Variants in PRKCG observed in about 807,000 individuals in gnomAD.
PRKCG encodes protein kinase C gamma type.
PRKCG carries 28 observed loss-of-function variants against 82.0 expected under a neutral mutation model. That is an observed-to-expected ratio of 0.34 (90% confidence interval 0.25 to 0.47). PRKCG has a LOEUF of 0.47. Among genes scored for constraint, PRKCG ranks in the 20% least tolerant of loss-of-function variants. The pLI, the probability that PRKCG is intolerant of heterozygous loss-of-function variation, is 1.00. For missense variants in PRKCG, 640 were observed against 952.7 expected (o/e 0.67, Z 4.32); for synonymous variants, 383 against 376.6 (o/e 1.02, Z -0.20).
At chr19:53,897,831 G>A (rs1177575929) in intron 9 of PRKCG, 128 bp from the exon 10 acceptor site, 2 of 1,268,670 alleles carry the variant, frequency 1.6e-6, no homozygotes, top group Admixed American at 1.7e-5. Context: ...AGGGTAGGAG[G>A]GTGGCCATTT....
chr19:53,901,281 C>T (rs1157455041), intron 14 of PRKCG, among the ~76,000 whole-genome samples: 1 of 152,194 alleles, frequency 6.6e-6, no homozygotes, highest in African/African-American at 2.4e-5. Context: ...CGGTGGCTCA[C>T]ACCTGTAATC....
intron 9 of PRKCG, among the ~76,000 whole-genome samples, chr19:53,893,945 T>C (rs1307992211): frequency 6.6e-6 from 1 of 150,866 alleles, no homozygotes; most frequent in African/African-American, 2.4e-5. Context: ...TTAGTAGAGA[T>C]GGGATTTCGC....
intron 14 of PRKCG, among the ~76,000 whole-genome samples, chr19:53,901,431 C>G (rs1485479253): frequency 6.6e-6 from 1 of 151,368 alleles, no homozygotes; most frequent in Non-Finnish European, 1.5e-5. Flanking sequence ...GTAATCCCAG[C>G]TATTCGGGAG....
In PRKCG at chr19:53,906,981, T is replaced by A; in HGVS notation, c.*86T>A. 1 of 1,488,466 alleles carries A rather than the reference T, an allele frequency of 6.7e-7. No individual in the cohort carries two copies. The highest frequency in any genetic ancestry group is 8.9e-7 in the Non-Finnish European group (1 of 1,127,116). The allele number at this position is 1,488,466 out of a possible 1,614,324, so 92.2% of individuals were successfully genotyped here. On this transcript the variant is annotated 3_prime_UTR_variant, in exon 18 of 18. Transcript: ENST00000263431. ...CTTCACCCCCAACTTCACCACCCCC[T>A]GTCCCATTCTAGATCCTGCACCCCA...
At position 53,898,470 on chromosome 19, in the gene PRKCG, G is replaced by GAGCT; in HGVS notation, c.1124_1127dup (p.Tyr377AlafsTer78). ...GCTGGCCGAGCGCAGGGGCTCTGAT[G>GAGCT]AGCTCTACGCCATCAAGATCTTGAA... is the stretch of plus-strand genomic sequence containing the variant. On this transcript the variant is annotated frameshift_variant, in exon 11 of 18. Coordinates refer to ENST00000263431, the MANE Select transcript of PRKCG (RefSeq NM_002739.5). LOFTEE classifies it high-confidence loss of function. The GAGCT allele has an allele frequency of 6.2e-7, 1 of 1,613,976 alleles. No homozygotes were observed. Among genetic ancestry groups the GAGCT allele is most frequent in the Non-Finnish European group, 8.5e-7 (1 of 1,180,022 alleles).
chr19:53,892,768 ACACACACACACACG>A lies in PRKCG; in HGVS notation c.821+135_821+148del, dbSNP rs1259903335. On this transcript the variant is annotated intron_variant, in intron 7 of 17. Transcript: ENST00000263431. This position sits in a 1 kb window ranked among gnomAD's most constrained non-coding sequence, Gnocchi z 5.9. ...CCAGCATGCGCACACACACACACAC[ACACACACACACACG>A]CACACACACGCACACACCCCTCTCT... 14 of 1,215,714 alleles carry A rather than the reference ACACACACACACACG, an allele frequency of 1.2e-5. No homozygotes were observed. Among genetic ancestry groups the A allele is most frequent in the African/African-American group, 3.1e-5 (2 of 63,744 alleles). 75.3% of individuals were successfully genotyped at this position (1,215,714 alleles called of 1,614,324 possible).
chr19:53,882,783 G>T lies in PRKCG; in HGVS notation c.170+119G>T. On this transcript the variant is annotated intron_variant, in intron 1 of 17. Transcript: ENST00000263431. The surrounding 1 kb of genome is among the most constrained non-coding windows in gnomAD (Gnocchi z 6.1). ...TGTAGTCCCGACTCCCAGGTTCTAG[G>T]ATGGCCAGGGAACGCTGGGAGCTTC... The T allele has an allele frequency of 7.3e-7, 1 of 1,372,300 alleles. No individual in the cohort carries two copies. The highest frequency in any genetic ancestry group is 2.6e-4 in the Middle Eastern group (1 of 3,786). The allele number at this position is 1,372,300 out of a possible 1,614,324, so 85.0% of individuals were successfully genotyped here.
At position 53,903,344 on chromosome 19, in the gene PRKCG, A is replaced by T. The variant is rs73937611; in HGVS notation, c.1656+191A>T. On this transcript the variant is annotated intron_variant, in intron 15 of 17. Coordinates refer to ENST00000263431, the MANE Select transcript of PRKCG (RefSeq NM_002739.5). ...TGTTTTGTTTGTTCTGTTACCATGGATTCTTTCTCCCTAGATGGTAAAGTA... is the reference window on the plus strand; with the variant it reads ...TGTTTTGTTTGTTCTGTTACCATGGTTTCTTTCTCCCTAGATGGTAAAGTA... 0.02 allele frequency among the ~76,000 whole-genome samples: 2,978 copies of T among 152,230 alleles called. 96 individuals carry two copies. The highest frequency in any genetic ancestry group is 0.068 in the African/African-American group (2,820 of 41,502).
chr19:53,887,860 A>G (rs896915178), intron 3 of PRKCG, among the ~76,000 whole-genome samples: 51 of 150,056 alleles, frequency 3.4e-4, no homozygotes, highest in African/African-American at 1.2e-3. Context: ...AGTAACATGG[A>G]TCAAGATTTG....
intron 9 of PRKCG, among the ~76,000 whole-genome samples, chr19:53,895,782 G>C (rs188312023): frequency 6.6e-6 from 1 of 152,156 alleles, no homozygotes; most frequent in African/African-American, 2.4e-5. Context: ...CTCTGCGGCC[G>C]GGCGCAGTGG....
intron 5 of PRKCG, among the ~76,000 whole-genome samples, chr19:53,891,437 C>T (rs2068675143): frequency 1.4e-5 from 2 of 143,694 alleles, no homozygotes; most frequent in Non-Finnish European, 3.0e-5. Context: ...CCACCACGCC[C>T]AGCTAATTTT....
At position 53,906,415 on chromosome 19, in the gene PRKCG, G is replaced by T; in HGVS notation, c.1863G>T (p.Arg621=). The T allele has an allele frequency of 1.3e-6, 2 of 1,572,862 alleles. No individual in the cohort carries two copies. The highest frequency in any genetic ancestry group is 1.4e-5 in the African/African-American group (1 of 73,946). The change falls in exon 17 of 18, where the codon CGG becomes CGT. Residue 621 remains arginine, a synonymous_variant. Coordinates refer to ENST00000263431, the MANE Select transcript of PRKCG (RefSeq NM_002739.5). ...TTTTCCGCTGGATTGACTGGGAGCG[G>T]CTGGAACGATTGGAGATCCCGCCTC... ...HGFFRWIDWE[R]LERLEIPPPF...
At chr19:53,891,867 CAG>C in intron 6 of PRKCG, 37 bp downstream of exon 6, 4 of 1,613,174 alleles carry the variant, frequency 2.5e-6, no homozygotes, top group Admixed American at 1.7e-5. Context: ...TGACAGCTGA[CAG>C]AGAATGATCT....
In PRKCG at chr19:53,900,265, C is replaced by T. The variant is rs141380971; in HGVS notation, c.1314C>T (p.Thr438=). ...DRLYFVMEYV[T]GGDLMYHIQQ... The stretch of plus-strand genomic sequence containing the variant: ...TGTATTTCGTGATGGAGTACGTCAC[C>T]GGGGGAGACTTGATGTACCACATTC... Residue 438 remains threonine (T), a synonymous_variant, in exon 12 of 18, where the codon ACC becomes ACT. Coordinates refer to ENST00000263431, the MANE Select transcript of PRKCG (RefSeq NM_002739.5). The surrounding 1 kb of genome is among the most constrained non-coding windows in gnomAD (Gnocchi z 4.2). 1.3e-5 allele frequency: 21 copies of T among 1,613,960 alleles called. No individual in the cohort carries two copies. The highest frequency in any genetic ancestry group is 1.7e-5 in the Non-Finnish European group (20 of 1,180,038).
intron 5 of PRKCG, among the ~76,000 whole-genome samples, chr19:53,891,085 G>A (rs956868896): frequency 6.6e-6 from 1 of 151,938 alleles, no homozygotes. Context: ...TGAGAAGGGA[G>A]AGTACCTGGT....
At chr19:53,882,181 C>G (rs1355585350), upstream of PRKCG, 3 of 391,402 alleles carry the variant, frequency 7.7e-6, 1 homozygote, top group Admixed American at 1.4e-4. The surrounding 1 kb of genome is among the most constrained non-coding windows in gnomAD (Gnocchi z 6.1). Context: ...AACGCCTCCC[C>G]CAACCCGGGG....
Position 53,889,780 on chromosome 19 carries a change from C to T in PRKCG, c.397+31C>T. On this transcript the variant is annotated intron_variant, in intron 4 of 17. Transcript: ENST00000263431. The surrounding 1 kb of genome is among the most constrained non-coding windows in gnomAD (Gnocchi z 4.4). ...TGACCTGGGCCTTGCCAGGGCCCTT[C>T]CAAAGCGCCCGGTCTGGGTTCCGGG... 1 of 1,607,220 alleles carries T rather than the reference C, an allele frequency of 6.2e-7. No individual in the cohort carries two copies. The highest frequency in any genetic ancestry group is 8.5e-7 in the Non-Finnish European group (1 of 1,176,860).
At chr19:53,903,004 G>A (rs2068776559) in intron 14 of PRKCG, 69 bp from the exon 15 acceptor site, 1 of 1,155,508 alleles carries the variant, frequency 8.7e-7, no homozygotes. Flanking sequence ...GCTCCCAGGG[G>A]GTGAGGCCAG....
intron 14 of PRKCG, 94 bp from the exon 15 acceptor site, chr19:53,902,979 C>G: frequency 1.3e-6 from 1 of 799,250 alleles, no homozygotes; most frequent in Middle Eastern, 2.3e-4. Flanking sequence ...GCTGAAAGCA[C>G]TTAACGTGGG....
Sources: gnomAD v4.1 joint callset for allele counts (sites outside exome capture counted in the v4.1 genomes callset) on GRCh38, gnomAD v4.1.1 for gene constraint, Gnocchi (gnomAD v3.1) non-coding constraint, MANE v1.5 for transcripts, NCBI Gene and HGNC (gene_info 2026-07-23, HGNC 2026-07-21) for gene names.